Variants in ADCK1 observed in about 807,000 individuals in gnomAD.
The protein encoded by ADCK1 is aarF domain containing kinase 1.
Under a neutral mutation model 52.3 loss-of-function variants are expected in ADCK1, and 41 were observed. The observed-to-expected ratio is 0.78, with a 90% CI of 0.61 to 1.02. ADCK1 has a LOEUF of 1.02. ADCK1 is among the 50% of genes least tolerant of loss of function. The pLI is 0.00. For synonymous variants in ADCK1, 250 were observed against 274.6 expected, an observed-to-expected ratio of 0.91 and a Z score of 0.89; for missense variants, 658 against 679.5, an observed-to-expected ratio of 0.97 and a Z score of 0.35.
At chr14:77,832,014 A>C (rs1368541869) in intron 3 of ADCK1, among the ~76,000 whole-genome samples, 1 of 140,304 alleles carries the variant, frequency 7.1e-6, no homozygotes, top group Non-Finnish European at 1.6e-5. Flanking sequence ...GTCTCACTGT[A>C]TCACCCAGGC....
intron 6 of ADCK1, among the ~76,000 whole-genome samples, chr14:77,905,303 G>GTTTTTTTTTTTTTTTTTTTT: frequency 3.1e-5 from 2 of 65,370 alleles, no homozygotes; most frequent in South Asian, 4.0e-4. Flanking sequence ...TTTCCTAGCT[G>GTTTTTTTTTTTTTTTTTTTT]GTTTTTTTTT....
At chr14:77,850,124 T>C (rs1349643533) in intron 3 of ADCK1, among the ~76,000 whole-genome samples, 2 of 152,182 alleles carry the variant, frequency 1.3e-5, no homozygotes, top group Non-Finnish European at 2.9e-5. Flanking sequence ...GGAAACTCCC[T>C]TGAGGCCAAG....
At chr14:77,903,203 A>G (rs2083586132) in intron 6 of ADCK1, among the ~76,000 whole-genome samples, 1 of 152,268 alleles carries the variant, frequency 6.6e-6, no homozygotes, top group Non-Finnish European at 1.5e-5. Context: ...CACCCTTCCT[A>G]AGACAGTGGT....
chr14:77,877,749 T>C (rs966506222), intron 4 of ADCK1, among the ~76,000 whole-genome samples: 6 of 152,212 alleles, frequency 3.9e-5, no homozygotes, highest in Admixed American at 3.9e-4. Context: ...GGACTACAGG[T>C]GTGTGCCACG....
chr14:77,855,504 G>T (rs965767153), intron 3 of ADCK1, among the ~76,000 whole-genome samples: 12 of 152,192 alleles, frequency 7.9e-5, no homozygotes, highest in Admixed American at 1.3e-4. Context: ...TGTGGTCAGG[G>T]TGGGGTTCAG....
In ADCK1 at chr14:77,931,527, A is replaced by G. The variant is rs201345422; in HGVS notation, c.1216A>G (p.Ile406Val). 1.2e-6 allele frequency: 2 copies of G among 1,613,198 alleles called. No individual in the cohort carries two copies. The highest frequency in any genetic ancestry group is 8.5e-7 in the Non-Finnish European group (1 of 1,179,400). ...APVTATEDLE[I>V]RNNAANYLPQ... Reference sequence around the variant, plus strand: ...CCCATTGCTGCTTCAGGACTTAGAGATTCGCAACAACGCGGCCAACTACCT... The same window carrying G: ...CCCATTGCTGCTTCAGGACTTAGAGGTTCGCAACAACGCGGCCAACTACCT... Residue 406 changes from isoleucine (I) to valine (V), a missense_variant, in exon 10 of 11, where the codon ATT (isoleucine) becomes GTT (valine). Physicochemically the swap from Ile to Val is conservative, Grantham distance 29. Coordinates refer to ENST00000238561, the MANE Select transcript of ADCK1 (RefSeq NM_020421.4).
chr14:77,889,063 C>G (rs1259280214), intron 5 of ADCK1, among the ~76,000 whole-genome samples: 4 of 152,194 alleles, frequency 2.6e-5, no homozygotes, highest in Non-Finnish European at 5.9e-5. Context: ...AAAGGGCAGT[C>G]CCCCTGCAAA....
intron 9 of ADCK1, among the ~76,000 whole-genome samples, chr14:77,930,530 G>T (rs969581657): frequency 1.3e-5 from 2 of 152,120 alleles, no homozygotes; most frequent in African/African-American, 4.8e-5. Flanking sequence ...ACCCAGAGTC[G>T]TCGAGTCCTG....
intron 3 of ADCK1, among the ~76,000 whole-genome samples, chr14:77,830,193 A>C (rs1394806478): frequency 6.6e-6 from 1 of 150,584 alleles, no homozygotes; most frequent in Non-Finnish European, 1.5e-5. Flanking sequence ...GCCAGAGTGC[A>C]GTGGTGCGAT....
chr14:77,894,736 GTTTTTTTTTTTTTTTTTTTTT>G, intron 5 of ADCK1, among the ~76,000 whole-genome samples: 2 of 36,484 alleles, frequency 5.5e-5, no homozygotes, highest in South Asian at 3.3e-3. Flanking sequence ...TTCTTTTCTT[GTTTTTTTTTTTTTTTTTTTTT>G]TTTTTTTAGA....
intron 3 of ADCK1, among the ~76,000 whole-genome samples, chr14:77,836,901 G>A (rs1457651566): frequency 1.3e-5 from 2 of 151,256 alleles, no homozygotes; most frequent in Non-Finnish European, 2.9e-5. Flanking sequence ...AGCCTCCCGA[G>A]TAGCTGGGAT....
At chr14:77,832,518 C>T (rs2081877971) in intron 3 of ADCK1, among the ~76,000 whole-genome samples, 1 of 152,242 alleles carries the variant, frequency 6.6e-6, no homozygotes, top group Non-Finnish European at 1.5e-5. Flanking sequence ...CCTGCCTCTT[C>T]ACCCTCCCTC....
intron 9 of ADCK1, among the ~76,000 whole-genome samples, chr14:77,931,157 G>A (rs758821254): frequency 2.3e-4 from 35 of 152,202 alleles, no homozygotes; most frequent in Non-Finnish European, 4.4e-4. Flanking sequence ...GCTTGGAGGG[G>A]TAGGAGACCA....
intron 5 of ADCK1, among the ~76,000 whole-genome samples, chr14:77,898,402 A>G (rs759620014): frequency 5.3e-5 from 8 of 152,244 alleles, no homozygotes; most frequent in South Asian, 2.1e-4. Flanking sequence ...ATGCCCATCA[A>G]TGGGAGACTG....
At chr14:77,928,325 G>A (rs1397852974) in intron 9 of ADCK1, among the ~76,000 whole-genome samples, 2 of 152,118 alleles carry the variant, frequency 1.3e-5, no homozygotes, top group African/African-American at 4.8e-5. Flanking sequence ...TCACAGAAGA[G>A]GTCTAGACTT....
At chr14:77,910,812 GGCGT>G (rs2083774490) in intron 7 of ADCK1, among the ~76,000 whole-genome samples, 5 of 152,222 alleles carry the variant, frequency 3.3e-5, no homozygotes, top group Admixed American at 2.6e-4. Context: ...AGCTGGGCAG[GGCGT>G]ACCCTCTGAG....
intron 9 of ADCK1, among the ~76,000 whole-genome samples, chr14:77,929,268 A>G (rs924598423): frequency 6.6e-6 from 1 of 152,192 alleles, no homozygotes; most frequent in Admixed American, 6.5e-5. Flanking sequence ...CTCTCCTACA[A>G]GAAGCCTGGA....
chr14:77,844,232 C>T (rs911040783), intron 3 of ADCK1, among the ~76,000 whole-genome samples: 20 of 152,026 alleles, frequency 1.3e-4, no homozygotes, highest in African/African-American at 3.9e-4. Context: ...AAGCGCACAC[C>T]ACCATGCCCG....
chr14:77,844,497 G>T (rs1402891156), intron 3 of ADCK1, among the ~76,000 whole-genome samples: 1 of 152,138 alleles, frequency 6.6e-6, no homozygotes, highest in Non-Finnish European at 1.5e-5. Context: ...CATGTCAGTG[G>T]CGTTGGTCTT....
Sources: gnomAD v4.1 joint callset for allele counts (sites outside exome capture counted in the v4.1 genomes callset) on GRCh38, gnomAD v4.1.1 for gene constraint, MANE v1.5 for transcripts, NCBI Gene and HGNC (gene_info 2026-07-23, HGNC 2026-07-21) for gene names.